Variants in CDKAL1 observed in about 807,000 individuals in gnomAD.
CDKAL1 encodes threonylcarbamoyladenosine tRNA methylthiotransferase.
In CDKAL1, 32 loss-of-function variants were observed where a neutral mutation model predicts 68.2. The observed-to-expected ratio is 0.47, with a 90% CI of 0.35 to 0.63. The LOEUF is 0.63. CDKAL1 is among the 30% of genes least tolerant of loss of function. The probability of loss-of-function intolerance (pLI) is 0.00; values close to 1 mark genes in which losing one functional copy is unlikely to be tolerated. For synonymous variants in CDKAL1, 234 were observed against 244.3 expected, an observed-to-expected ratio of 0.96 and a Z score of 0.39; for missense variants, 606 against 696.7, an observed-to-expected ratio of 0.87 and a Z score of 1.47.
intron 8 of CDKAL1, among the ~76,000 whole-genome samples, chr6:20,792,897 T>G (rs1443820475): frequency 6.6e-6 from 1 of 152,232 alleles, no homozygotes; most frequent in African/African-American, 2.4e-5. Context: ...CTACATGGAA[T>G]ATAATAGTAG....
At chr6:20,889,030 C>T (rs897819808) in intron 9 of CDKAL1, among the ~76,000 whole-genome samples, 71 of 152,168 alleles carry the variant, frequency 4.7e-4, no homozygotes, top group Non-Finnish European at 6.9e-4. Context: ...TCTCCAGCAC[C>T]TGTTGTTTCC....
intron 4 of CDKAL1, among the ~76,000 whole-genome samples, chr6:20,645,670 G>C (rs1039058398): frequency 6.6e-6 from 1 of 151,858 alleles, no homozygotes; most frequent in African/African-American, 2.4e-5. Context: ...GGCGGAGGTT[G>C]CAGTGAGCCG....
At chr6:21,040,133 A>G (rs887691720) in intron 11 of CDKAL1, among the ~76,000 whole-genome samples, 6 of 152,180 alleles carry the variant, frequency 3.9e-5, no homozygotes, top group African/African-American at 1.4e-4. Context: ...GAATTTATGC[A>G]TGTGGATAGA....
At chr6:20,759,050 G>T (rs1581525412) in intron 7 of CDKAL1, among the ~76,000 whole-genome samples, 1 of 152,108 alleles carries the variant, frequency 6.6e-6, no homozygotes, top group African/African-American at 2.4e-5. Context: ...GAAGCTGGAG[G>T]ATCATTTGGG....
chr6:21,020,561 A>G (rs979984081), intron 11 of CDKAL1, among the ~76,000 whole-genome samples: 3 of 152,122 alleles, frequency 2.0e-5, no homozygotes, highest in East Asian at 1.9e-4. Flanking sequence ...TCTGCCTCCC[A>G]GGTTCAAGCG....
intron 11 of CDKAL1, among the ~76,000 whole-genome samples, chr6:21,001,512 C>G (rs990599064): frequency 6.6e-6 from 1 of 151,548 alleles, no homozygotes; most frequent in African/African-American, 2.4e-5. Context: ...AGTGTACATT[C>G]AGACAAATAC....
chr6:21,212,386 A>G (rs923316730), intron 15 of CDKAL1, among the ~76,000 whole-genome samples: 1 of 152,230 alleles, frequency 6.6e-6, no homozygotes. Flanking sequence ...GTCATTTGAC[A>G]TCTTGATAAG....
In CDKAL1 at chr6:21,231,237, A is replaced by C; in HGVS notation, c.*198A>C. On this transcript the variant is annotated 3_prime_UTR_variant, in exon 16 of 16. Coordinates refer to ENST00000274695, the MANE Select transcript of CDKAL1 (RefSeq NM_017774.3). ...CCATTGGTTATTTGACCTAAAACCT[A>C]ATCACCGCTACCATAGCACATCCTT... 2.3e-6 allele frequency: 1 copy of C among 443,576 alleles called. No individual in the cohort carries two copies. The highest frequency in any genetic ancestry group is 4.0e-6 in the Non-Finnish European group (1 of 250,106). 27.5% of individuals were successfully genotyped at this position (443,576 alleles called of 1,614,324 possible). A position where few individuals can be genotyped will look rare whatever the true frequency, so the allele number is the denominator to read the frequency against.
intron 5 of CDKAL1, among the ~76,000 whole-genome samples, chr6:20,669,288 C>G (rs73732716): frequency 0.032 from 4,858 of 152,230 alleles, 257 homozygotes; most frequent in African/African-American, 0.11. Context: ...TCCATCATGT[C>G]TTCTCCACTT....
chr6:21,090,374 G>A (rs1478013654), intron 12 of CDKAL1, among the ~76,000 whole-genome samples: 1 of 152,146 alleles, frequency 6.6e-6, no homozygotes, highest in Non-Finnish European at 1.5e-5. Flanking sequence ...GGGCCAAAAG[G>A]GTAAGCACAA....
intron 6 of CDKAL1, among the ~76,000 whole-genome samples, chr6:20,757,025 C>G (rs1297392627): frequency 6.6e-6 from 1 of 151,752 alleles, no homozygotes. Context: ...CCTCCACCTC[C>G]CATGTTCAAG....
chr6:20,799,043 T>TTTG (rs1561787325), intron 8 of CDKAL1, among the ~76,000 whole-genome samples: 1 of 100,960 alleles, frequency 9.9e-6, no homozygotes, highest in East Asian at 2.7e-4. Flanking sequence ...GAACTGAGTT[T>TTTG]TTTTTTTTTT....
At chr6:21,218,457 G>T (rs2151122392) in intron 15 of CDKAL1, among the ~76,000 whole-genome samples, 1 of 152,284 alleles carries the variant, frequency 6.6e-6, no homozygotes, top group Non-Finnish European at 1.5e-5. Context: ...AGCTTCTCTG[G>T]GTGCCCGTGG....
At chr6:20,706,047 T>A (rs1771579093) in intron 5 of CDKAL1, among the ~76,000 whole-genome samples, 2 of 152,036 alleles carry the variant, frequency 1.3e-5, no homozygotes, top group Admixed American at 1.3e-4. Flanking sequence ...AAAGCCAAGG[T>A]GATGATGAGG....
At chr6:21,093,740 C>T (rs1425061465) in intron 12 of CDKAL1, among the ~76,000 whole-genome samples, 1 of 107,020 alleles carries the variant, frequency 9.3e-6, no homozygotes, top group African/African-American at 3.8e-5. Flanking sequence ...TTTTTGGAGA[C>T]AGGGCCTCTC....
intron 15 of CDKAL1, among the ~76,000 whole-genome samples, chr6:21,221,269 C>T (rs1443232544): frequency 1.3e-5 from 2 of 152,096 alleles, no homozygotes; most frequent in African/African-American, 4.8e-5. Flanking sequence ...TTCTCTGTCA[C>T]CCAGGCTGGA....
At chr6:20,887,953 A>AAT (rs1554135931) in intron 9 of CDKAL1, among the ~76,000 whole-genome samples, 16 of 149,330 alleles carry the variant, frequency 1.1e-4, no homozygotes, top group African/African-American at 3.5e-4. Flanking sequence ...TAAAAAAAAA[A>AAT]TTTTTTTTGG....
intron 8 of CDKAL1, 101 bp from the exon 9 acceptor site, chr6:20,845,974 T>C (rs969100736): frequency 1.5e-6 from 1 of 666,640 alleles, no homozygotes; most frequent in African/African-American, 1.9e-5. Flanking sequence ...CAAGCAAATG[T>C]TTCTGAAAGA....
At chr6:20,711,420 T>C (rs1015911754) in intron 5 of CDKAL1, among the ~76,000 whole-genome samples, 13 of 152,312 alleles carry the variant, frequency 8.5e-5, no homozygotes, top group South Asian at 8.3e-4. Context: ...AAAAGAGTTT[T>C]GGACTTAGAG....
Sources: allele counts gnomAD v4.1 joint callset (sites outside exome capture counted in the v4.1 genomes callset), GRCh38; gene constraint gnomAD v4.1.1; transcripts MANE v1.5; gene names NCBI Gene and HGNC (gene_info 2026-07-23, HGNC 2026-07-21).